Variants in SLC35D4 observed in about 807,000 individuals in gnomAD.
SLC35D4 encodes UDP-N-acetylglucosamine transporter SLC35D4.
the SLC35D4 span, among the ~76,000 whole-genome samples, chr18:23,284,303 A>G: frequency 1.3e-5 from 2 of 152,174 alleles, no homozygotes; most frequent in Admixed American, 6.5e-5. Flanking sequence ...GACTTTCACC[A>G]TCTATTCTCT....
the SLC35D4 span, chr18:23,253,628 GGAAAGA>G: frequency 1.2e-5 from 12 of 991,260 alleles, no homozygotes; most frequent in East Asian, 2.6e-4. Context: ...TCACCCTCTG[GGAAAGA>G]GAAAGAGAAA....
At chr18:23,411,106 C>T in the SLC35D4 span, among the ~76,000 whole-genome samples, 1 of 149,884 alleles carries the variant, frequency 6.7e-6, no homozygotes, top group South Asian at 2.1e-4. Flanking sequence ...GTGTGCGGGC[C>T]TCTAGGGAGA....
At chr18:23,297,210 G>A in the SLC35D4 span, 2 of 152,132 alleles carry the variant, frequency 1.3e-5, no homozygotes, top group Admixed American at 6.5e-5. Flanking sequence ...GCACTGTTAC[G>A]TCTGTCAATT....
the SLC35D4 span, among the ~76,000 whole-genome samples, chr18:23,371,929 T>TG: frequency 2.3e-4 from 4 of 17,198 alleles, no homozygotes; most frequent in African/African-American, 7.6e-4. Flanking sequence ...CTTCCTTGTT[T>TG]TTTTTGTTTT....
chr18:23,401,734 C>T, the SLC35D4 span, among the ~76,000 whole-genome samples: 3 of 152,082 alleles, frequency 2.0e-5, no homozygotes, highest in Non-Finnish European at 2.9e-5. Context: ...TCAGCGAGGC[C>T]CCAGACATGT....
chr18:23,300,225 C>T, the SLC35D4 span, among the ~76,000 whole-genome samples: 1 of 152,252 alleles, frequency 6.6e-6, no homozygotes, highest in Admixed American at 6.5e-5. Context: ...CCTCCAAAGA[C>T]CTGGCTTTTC....
the SLC35D4 span, among the ~76,000 whole-genome samples, chr18:23,408,404 G>C: frequency 2.6e-5 from 4 of 152,116 alleles, no homozygotes; most frequent in Admixed American, 2.6e-4. Context: ...GCATTACTTT[G>C]GTATCTTATA....
the SLC35D4 span, among the ~76,000 whole-genome samples, chr18:23,281,921 A>G: frequency 6.6e-6 from 1 of 152,380 alleles, no homozygotes; most frequent in East Asian, 1.9e-4. Context: ...TGATGAAAGA[A>G]GGAATGAGGA....
the SLC35D4 span, among the ~76,000 whole-genome samples, chr18:23,278,387 G>A: frequency 6.4e-4 from 98 of 152,316 alleles, no homozygotes; most frequent in African/African-American, 2.0e-3. Flanking sequence ...ATAAGTCAGA[G>A]ACTTGGTCTT....
chr18:23,239,840 A>G, the SLC35D4 span, among the ~76,000 whole-genome samples: 24 of 152,204 alleles, frequency 1.6e-4, no homozygotes, highest in Non-Finnish European at 1.0e-4. Context: ...GCAGGAGACC[A>G]GGCATGGTGG....
chr18:23,306,759 A>T, the SLC35D4 span, among the ~76,000 whole-genome samples: 2 of 152,194 alleles, frequency 1.3e-5, no homozygotes, highest in Admixed American at 6.5e-5. Context: ...GGGGGGGAAA[A>T]ATCTGCCAAG....
the SLC35D4 span, among the ~76,000 whole-genome samples, chr18:23,419,943 T>C: frequency 6.6e-6 from 1 of 152,162 alleles, no homozygotes; most frequent in African/African-American, 2.4e-5. Context: ...TACGTATGTA[T>C]GCATATACAT....
the SLC35D4 span, among the ~76,000 whole-genome samples, chr18:23,375,452 G>C: frequency 1.3e-5 from 2 of 152,252 alleles, no homozygotes; most frequent in Non-Finnish European, 2.9e-5. Context: ...CATTGAGATA[G>C]CAAGAAAGCA....
chr18:23,390,062 G>A, the SLC35D4 span, among the ~76,000 whole-genome samples: 2 of 150,320 alleles, frequency 1.3e-5, no homozygotes, highest in South Asian at 4.1e-4. Context: ...AAGATATCTT[G>A]AGTGCTTACT....
the SLC35D4 span, among the ~76,000 whole-genome samples, chr18:23,407,616 A>C: frequency 1.3e-5 from 2 of 151,878 alleles, no homozygotes; most frequent in Non-Finnish European, 2.9e-5. Flanking sequence ...ATGGCCAACA[A>C]ACATATGAAA....
chr18:23,279,814 A>G, the SLC35D4 span, among the ~76,000 whole-genome samples: 21 of 152,274 alleles, frequency 1.4e-4, no homozygotes, highest in Non-Finnish European at 2.8e-4. Context: ...AATATATTTA[A>G]TATCTCACAC....
At chr18:23,266,950 C>T in the SLC35D4 span, among the ~76,000 whole-genome samples, 1 of 152,222 alleles carries the variant, frequency 6.6e-6, no homozygotes, top group African/African-American at 2.4e-5. Context: ...GCTGCCTTGC[C>T]TGCTGGTCTG....
chr18:23,272,955 C>T, the SLC35D4 span, among the ~76,000 whole-genome samples: 1 of 152,190 alleles, frequency 6.6e-6, no homozygotes. Context: ...AACTTCCAAT[C>T]TGGGATAGAT....
At chr18:23,399,119 A>C in the SLC35D4 span, among the ~76,000 whole-genome samples, 4 of 152,232 alleles carry the variant, frequency 2.6e-5, no homozygotes, top group African/African-American at 9.6e-5. Flanking sequence ...CCCCGTGTAC[A>C]GGACATCAAC....
Sources: gnomAD v4.1 joint callset for allele counts (sites outside exome capture counted in the v4.1 genomes callset) on GRCh38, gnomAD v4.1.1 for gene constraint, MANE v1.5 for transcripts, NCBI Gene and HGNC (gene_info 2026-07-23, HGNC 2026-07-21) for gene names.